The following VPS37A variants were observed in gnomAD, a reference collection of about 807,000 sequenced individuals.
VPS37A encodes the protein vacuolar protein sorting-associated protein 37A.
A neutral mutation model predicts 49.8 loss-of-function variants in VPS37A; 30 were observed. The observed-to-expected ratio is 0.60, with a 90% confidence interval of 0.45 to 0.82. VPS37A has a LOEUF of 0.82. Ranked by LOEUF, VPS37A falls within the 40% of genes least tolerant of loss-of-function variation. The pLI is 0.00. For synonymous variants in VPS37A, 195 were observed against 160.6 expected (o/e 1.21, Z -1.62); for missense variants, 593 against 464.4 (o/e 1.28, Z -2.55).
At chr8:17,316,918 T>A in the VPS37A span, among the ~76,000 whole-genome samples, 11 of 152,306 alleles carry the variant, frequency 7.2e-5, no homozygotes, top group African/African-American at 2.6e-4. Context: ...ATGACTCTAC[T>A]GCCAAATTGC....
the VPS37A span, among the ~76,000 whole-genome samples, chr8:17,310,578 T>TAGTC: frequency 6.6e-6 from 1 of 152,182 alleles, no homozygotes; most frequent in South Asian, 2.1e-4. Context: ...CCAGCCCTCC[T>TAGTC]GACTTCAGTC....
rs867834831 is a variant in VPS37A, at chr8:17,247,035, A to G, written c.-210A>G. ...GTGGGACCTCCTGTTCCGGGCCGCA[A>G]GTTTCCCTCTCCAGCCGCCCGCCGT... On this transcript the variant is annotated 5_prime_UTR_variant, in exon 1 of 12. Coordinates refer to ENST00000324849, the MANE Select transcript of VPS37A (RefSeq NM_152415.3). 1.2e-4 allele frequency: 80 copies of G among 641,614 alleles called. No individual in the cohort carries two copies. The highest frequency in any genetic ancestry group is 1.1e-3 in the African/African-American group (59 of 54,248). 39.7% of individuals were successfully genotyped at this position (641,614 alleles called of 1,614,324 possible). A position where few individuals can be genotyped will look rare whatever the true frequency, so the allele number is the denominator to read the frequency against.
chr8:17,276,472 A>T lies in VPS37A; in HGVS notation c.713+5A>T, dbSNP rs1360878935. ...TCCAGAACTCTCAGAACTAAGGTAA[A>T]CCTGGAAAGTAAAGTTGGTCACATT... On this transcript the variant is annotated splice_donor_5th_base_variant and intron_variant, in intron 6 of 11. Coordinates refer to ENST00000324849, the MANE Select transcript of VPS37A (RefSeq NM_152415.3). 2.5e-6 allele frequency: 4 copies of T among 1,606,532 alleles called. No homozygotes were observed. The highest frequency in any genetic ancestry group is 1.7e-6 in the Non-Finnish European group (2 of 1,176,724).
the VPS37A span, among the ~76,000 whole-genome samples, chr8:17,320,278 G>T: frequency 6.6e-6 from 1 of 152,118 alleles, no homozygotes; most frequent in Non-Finnish European, 1.5e-5. Context: ...CAAGGAAGCT[G>T]AATCTGATCA....
chr8:17,293,078 C>G (rs1816294454), intron 11 of VPS37A, among the ~76,000 whole-genome samples: 1 of 152,164 alleles, frequency 6.6e-6, no homozygotes. Context: ...CTGTCACTTT[C>G]AGGTACACCA....
rs757678084 is a variant in VPS37A at position 17,280,449 on chromosome 8, A to T, written c.969+6A>T. On this transcript the variant is annotated splice_donor_region_variant and intron_variant, in intron 9 of 11. Transcript: ENST00000324849. Reference sequence around the variant, plus strand: ...GGCAGCATGAACTTAGTGAGGTAAGACTGTTTATTTTTTTCCCTTTGCCAT... The same window carrying T: ...GGCAGCATGAACTTAGTGAGGTAAGTCTGTTTATTTTTTTCCCTTTGCCAT... The T allele has an allele frequency of 1.3e-6, 2 of 1,587,434 alleles. No individual in the cohort carries two copies. The highest frequency in any genetic ancestry group is 1.9e-5 in the Admixed American group (1 of 52,378).
At chr8:17,247,421 G>GGGGGGCC in intron 1 of VPS37A, 52 bp downstream of exon 1, 1 of 163,970 alleles carries the variant, frequency 6.1e-6, no homozygotes, top group Admixed American at 9.7e-5. Context: ...GGGAGGGCGG[G>GGGGGGCC]CTTGTCCTAA....
intron 4 of VPS37A, among the ~76,000 whole-genome samples, chr8:17,273,874 A>G (rs1814250622): frequency 6.6e-6 from 1 of 152,206 alleles, no homozygotes; most frequent in Admixed American, 6.5e-5. Flanking sequence ...ATTTTGAAAC[A>G]TTTTTCAATG....
At chr8:17,311,313 A>AT in the VPS37A span, among the ~76,000 whole-genome samples, 121 of 152,270 alleles carry the variant, frequency 7.9e-4, no homozygotes, top group African/African-American at 2.8e-3. Context: ...TATCCCAGAA[A>AT]TTCATCTCTT....
intron 9 of VPS37A, among the ~76,000 whole-genome samples, chr8:17,282,765 C>A (rs545574352): frequency 1.8e-3 from 281 of 152,146 alleles, no homozygotes; most frequent in Non-Finnish European, 3.3e-3. Context: ...CACACACACA[C>A]AAAACAATGA....
At chr8:17,304,308 C>A, downstream of VPS37A, 1 of 1,535,586 alleles carries the variant, frequency 6.5e-7, no homozygotes. Flanking sequence ...TACACTTTGA[C>A]CTCTGAATGT....
chr8:17,302,181 T>C, downstream of VPS37A: 1 of 1,614,166 alleles, frequency 6.2e-7, no homozygotes, highest in South Asian at 1.1e-5. Context: ...GTTCTTCCTC[T>C]AGCTGCTGAG....
the VPS37A span, among the ~76,000 whole-genome samples, chr8:17,333,329 T>C: frequency 6.6e-6 from 1 of 152,218 alleles, no homozygotes; most frequent in African/African-American, 2.4e-5. Context: ...TTTTGTAAAA[T>C]TACCTATAGA....
intron 11 of VPS37A, among the ~76,000 whole-genome samples, chr8:17,288,942 G>GTT (rs1466929954): frequency 1.3e-5 from 2 of 152,110 alleles, no homozygotes; most frequent in Non-Finnish European, 2.9e-5. Context: ...TCTCATTGTG[G>GTT]TTTTGATTTG....
chr8:17,318,986 A>G, the VPS37A span, among the ~76,000 whole-genome samples: 121,425 of 152,278 alleles, frequency 0.8, 48,793 homozygotes, highest in African/African-American at 0.89. Flanking sequence ...GACACTTCCA[A>G]ATGTTTTTAA....
intron 1 of VPS37A, among the ~76,000 whole-genome samples, chr8:17,258,159 G>T (rs1227494490): frequency 6.6e-6 from 1 of 151,942 alleles, no homozygotes; most frequent in Non-Finnish European, 1.5e-5. Context: ...TTGCCTAATT[G>T]CTCTGGCCAA....
the VPS37A span, among the ~76,000 whole-genome samples, chr8:17,317,768 G>C: frequency 6.6e-6 from 1 of 152,048 alleles, no homozygotes; most frequent in Non-Finnish European, 1.5e-5. Context: ...GCTTACTTTG[G>C]GGTTTCTCAT....
At chr8:17,309,376 A>G in the VPS37A span, 2 of 1,228,006 alleles carry the variant, frequency 1.6e-6, no homozygotes, top group Non-Finnish European at 2.4e-6. Context: ...ACGAAAAATA[A>G]GAGACCACAC....
chr8:17,322,767 G>A, the VPS37A span, among the ~76,000 whole-genome samples: 3 of 152,258 alleles, frequency 2.0e-5, no homozygotes, highest in South Asian at 2.1e-4. Context: ...AGAGGCTGCT[G>A]TGAGCTACAG....
Sources: allele counts gnomAD v4.1 joint callset (sites outside exome capture counted in the v4.1 genomes callset), GRCh38; gene constraint gnomAD v4.1.1; transcripts MANE v1.5; gene names NCBI Gene and HGNC (gene_info 2026-07-23, HGNC 2026-07-21).